DENND2C: variants seen among roughly 807,000 people sequenced by gnomAD.
DENND2C encodes DENN domain-containing protein 2C.
In DENND2C, 72 loss-of-function variants were observed where a neutral mutation model predicts 112.4. That is an observed-to-expected ratio of 0.64 (90% CI 0.53 to 0.78). The LOEUF is 0.78. DENND2C is among the 30% of genes least tolerant of loss of function. The pLI, the probability that DENND2C is intolerant of heterozygous loss-of-function variation, is 0.00. For synonymous variants in DENND2C, 329 were observed against 381.6 expected, an observed-to-expected ratio of 0.86 and a Z score of 1.61; for missense variants, 992 against 1,113.8, an observed-to-expected ratio of 0.89 and a Z score of 1.56.
intron 7 of DENND2C, among the ~76,000 whole-genome samples, chr1:114,620,627 G>A (rs1037806052): frequency 2.6e-5 from 4 of 152,146 alleles, no homozygotes; most frequent in African/African-American, 9.7e-5. Context: ...GTGCCAACAT[G>A]ATCTACCAGA....
chr1:114,594,425 T>C (rs368544180), intron 18 of DENND2C, 48 bp downstream of exon 18: 2 of 1,468,898 alleles, frequency 1.4e-6, no homozygotes, highest in Non-Finnish European at 1.9e-6. Flanking sequence ...AGTAAATATT[T>C]ACTACCTTAA....
chr1:114,619,781 G>A (rs955335333), intron 7 of DENND2C, among the ~76,000 whole-genome samples: 1 of 152,126 alleles, frequency 6.6e-6, no homozygotes, highest in Non-Finnish European at 1.5e-5. Context: ...TTATTAATTT[G>A]CATTTGAAAA....
chr1:114,601,651 G>T (rs1249687718), intron 12 of DENND2C, 66 bp from the exon 13 acceptor site: 5 of 1,391,762 alleles, frequency 3.6e-6, no homozygotes, highest in Non-Finnish European at 5.1e-6. Flanking sequence ...TACTAATTTG[G>T]ACTATTAATT....
intron 1 of DENND2C, among the ~76,000 whole-genome samples, chr1:114,669,649 C>T (rs1657735069): frequency 3.9e-5 from 6 of 152,160 alleles, no homozygotes; most frequent in Admixed American, 3.3e-4. Flanking sequence ...GGCGCTCCCT[C>T]CCTCTTCCCC....
chr1:114,648,076 G>A (rs1048005653), intron 2 of DENND2C, among the ~76,000 whole-genome samples: 10 of 152,246 alleles, frequency 6.6e-5, no homozygotes, highest in African/African-American at 2.4e-4. Flanking sequence ...CCAAAGTGCT[G>A]GGATTACAGG....
In DENND2C at chr1:114,603,806, G is replaced by T. The variant is rs557198935; in HGVS notation, c.1667+1116C>A. On this transcript the variant is annotated intron_variant, in intron 11 of 20. Transcript: ENST00000393274. ...CTCCCACCTTAGCCTCAAAGTGCTA[G>T]GATTACAGGTGTGAGCCACTGCACC... 2.0e-5 allele frequency among the ~76,000 whole-genome samples: 3 copies of T among 152,104 alleles called. No individual in the cohort carries two copies. In the South Asian group the frequency reaches 6.2e-4, roughly 32 times the overall value.
chr1:114,587,466 A>T lies in DENND2C; in HGVS notation c.2676T>A (p.Phe892Leu). The T allele has an allele frequency of 6.2e-7, 1 of 1,614,108 alleles. No homozygotes were observed. The highest frequency in any genetic ancestry group is 8.5e-7 in the Non-Finnish European group (1 of 1,179,946). The change falls in exon 20 of 21, where the codon TTT (phenylalanine) becomes TTA (leucine). Residue 892 changes from phenylalanine to leucine, a missense_variant. Phe to Leu is a conservative substitution (Grantham distance 22, BLOSUM62 0). Coordinates refer to ENST00000393274, the MANE Select transcript of DENND2C (RefSeq NM_001256404.2). ...ELRKSGVKGL[F>L]EIRAIQYLET... ...CCAAATACTGGATGGCCCGGATCTC[A>T]AACAAACCTACAAGGAAAAACTCAT... is the stretch of plus-strand genomic sequence containing the variant.
intron 17 of DENND2C, among the ~76,000 whole-genome samples, 194 bp from the exon 18 acceptor site, chr1:114,594,772 A>AT (rs1655296871): frequency 6.6e-6 from 1 of 152,222 alleles, no homozygotes; most frequent in Non-Finnish European, 1.5e-5. Flanking sequence ...ATATTAAAAA[A>AT]ATATATACTT....
At chr1:114,633,740 C>G (rs1218779172) in intron 3 of DENND2C, among the ~76,000 whole-genome samples, 2 of 152,078 alleles carry the variant, frequency 1.3e-5, no homozygotes, top group East Asian at 3.9e-4. Flanking sequence ...AAAAAACTCA[C>G]ATGGAACAAA....
chr1:114,653,740 AC>A (rs950148342), intron 2 of DENND2C, among the ~76,000 whole-genome samples: 2 of 152,168 alleles, frequency 1.3e-5, no homozygotes, highest in Admixed American at 6.5e-5. Flanking sequence ...ATTAAGTAAA[AC>A]CCTAGTAAAT....
At position 114,625,694 on chromosome 1, in the gene DENND2C, A is replaced by T; in HGVS notation, c.291T>A (p.Asn97Lys). 6.2e-7 allele frequency: 1 copy of T among 1,613,718 alleles called. No homozygotes were observed. The highest frequency in any genetic ancestry group is 1.3e-5 in the African/African-American group (1 of 74,948). ...TKSHDQSENENKKHEYDDTHF... is the reference protein window; with the variant it reads ...TKSHDQSENEKKKHEYDDTHF... ...GTGTATCGTCATATTCATGTTTCTTATTTTCATTCTCACTTTGATCATGGC... is the reference window on the plus strand; with the variant it reads ...GTGTATCGTCATATTCATGTTTCTTTTTTTCATTCTCACTTTGATCATGGC... Residue 97 changes from asparagine to lysine, a missense_variant, in exon 4 of 21, where the codon AAT (asparagine) becomes AAA (lysine). By Grantham distance (94) the Asn-to-Lys change is moderately conservative. This residue lies in a region of DENND2C where 470 missense variants were observed against 472.7 expected (regional missense o/e 0.99). Transcript: ENST00000393274.
Position 114,625,912 on chromosome 1 carries a change from T to C in DENND2C, c.73A>G (p.Ile25Val), listed in dbSNP as rs1656328554. 3 of 1,613,958 alleles carry C rather than the reference T, an allele frequency of 1.9e-6. No homozygotes were observed. The highest frequency in any genetic ancestry group is 2.5e-6 in the Non-Finnish European group (3 of 1,179,994). The change falls in exon 4 of 21, where the codon ATT (isoleucine) becomes GTT (valine). Residue 25 changes from isoleucine to valine, a missense_variant. Transcript: ENST00000393274. ...TTAGCCCTTCCTTCCCATTGAGAAA[T>C]TTTTTGTTTGATGTTTTTGCAGTGG... ...RSHCKNIKQKISQWEGRANGI... is the reference protein window; with the variant it reads ...RSHCKNIKQKVSQWEGRANGI...
At chr1:114,661,411 C>T (rs1657489202) in intron 1 of DENND2C, among the ~76,000 whole-genome samples, 1 of 152,142 alleles carries the variant, frequency 6.6e-6, no homozygotes, top group African/African-American at 2.4e-5. Context: ...CCTTATGCCA[C>T]TGATACACAA....
chr1:114,625,640 G>A lies in DENND2C; in HGVS notation c.345C>T (p.Asn115=), dbSNP rs781479467. Residue 115 remains asparagine (N), a synonymous_variant, in exon 4 of 21, where the codon AAC becomes AAT. Coordinates refer to ENST00000393274, the MANE Select transcript of DENND2C (RefSeq NM_001256404.2). The stretch of plus-strand genomic sequence containing the variant: ...TTTCTTTGACCCGAGAACATACCCA[G>A]TTGGATTCTGATTCATTTTTAAAGA... ...THFFKNESES[N]WVCSRVKEIE... is the part of the protein sequence containing the mutation. 6.2e-7 allele frequency: 1 copy of A among 1,614,078 alleles called. No homozygotes were observed. Among genetic ancestry groups the A allele is most frequent in the Non-Finnish European group, 8.5e-7 (1 of 1,180,010 alleles).
intron 3 of DENND2C, among the ~76,000 whole-genome samples, chr1:114,628,854 T>G (rs1444977827): frequency 1.3e-5 from 2 of 152,236 alleles, no homozygotes; most frequent in African/African-American, 4.8e-5. Context: ...ATTCCTCATC[T>G]TCCCAGTTTC....
chr1:114,649,809 T>TA (rs986718586), intron 2 of DENND2C, among the ~76,000 whole-genome samples: 2 of 151,788 alleles, frequency 1.3e-5, no homozygotes, highest in African/African-American at 4.8e-5. Context: ...AAAGAAGCAA[T>TA]AAAAAAAAGT....
At position 114,623,062 on chromosome 1, in the gene DENND2C, C is replaced by T. The variant is rs1656210987; in HGVS notation, c.981G>A (p.Val327=). The change falls in exon 6 of 21, where the codon GTG becomes GTA. Residue 327 remains valine (V), a synonymous_variant. Coordinates refer to ENST00000393274, the MANE Select transcript of DENND2C (RefSeq NM_001256404.2). ...GGGATCTCCACATAGGTAAAGGCTG[C>T]ACTGGAATATCTTCATATGGATTTT... ...TKENPYEDIP[V]QPLPMWRSPS... 6.2e-7 allele frequency: 1 copy of T among 1,611,382 alleles called. No homozygotes were observed.
intron 1 of DENND2C, among the ~76,000 whole-genome samples, chr1:114,664,391 G>C (rs1657591598): frequency 6.6e-6 from 1 of 152,230 alleles, no homozygotes; most frequent in South Asian, 2.1e-4. Context: ...GGCAGAAGGA[G>C]TGCTTAGGCC....
chr1:114,636,151 T>C (rs557204787), intron 3 of DENND2C, among the ~76,000 whole-genome samples: 49 of 151,950 alleles, frequency 3.2e-4, no homozygotes, highest in African/African-American at 1.2e-3. Context: ...TAAAGAAAAC[T>C]ATGTATTTAT....
Sources: allele counts gnomAD v4.1 joint callset (sites outside exome capture counted in the v4.1 genomes callset), GRCh38; gene constraint gnomAD v4.1.1; regional missense constraint gnomAD v4.1.1; transcripts MANE v1.5; gene names NCBI Gene and HGNC (gene_info 2026-07-23, HGNC 2026-07-21).